CYTH3: variants seen among roughly 807,000 people sequenced by gnomAD.
CYTH3 encodes cytohesin-3.
CYTH3 carries 23 observed loss-of-function variants against 55.1 expected under a neutral mutation model. The ratio of observed to expected loss-of-function variants is 0.42; its 90% CI spans 0.30 to 0.59. The LOEUF (loss-of-function observed/expected upper bound fraction) is 0.59. Among genes scored for constraint, CYTH3 ranks in the 20% least tolerant of loss-of-function variants. The pLI is 0.20. For missense variants in CYTH3, 413 were observed against 524.8 expected, an observed-to-expected ratio of 0.79 and a Z score of 2.08; for synonymous variants, 249 against 194.9, an observed-to-expected ratio of 1.28 and a Z score of -2.31.
intron 4 of CYTH3, among the ~76,000 whole-genome samples, chr7:6,186,132 T>C (rs10230773): frequency 0.039 from 5,884 of 150,950 alleles, 393 homozygotes; most frequent in African/African-American, 0.14. Context: ...TAGTCTCAGC[T>C]ACCCGGGAGG....
chr7:6,187,311 G>A (rs927405582), intron 3 of CYTH3, among the ~76,000 whole-genome samples, 195 bp from the exon 4 acceptor site: 5 of 152,224 alleles, frequency 3.3e-5, no homozygotes, highest in African/African-American at 9.6e-5. Flanking sequence ...TTGATAACTT[G>A]AGACACTTCA....
chr7:6,165,442 G>T lies in CYTH3; in HGVS notation c.973-15C>A. 1.9e-6 allele frequency: 3 copies of T among 1,610,686 alleles called. No individual in the cohort carries two copies. Among genetic ancestry groups the T allele is most frequent in the Non-Finnish European group, 2.5e-6 (3 of 1,177,774 alleles). The stretch of plus-strand genomic sequence containing the variant: ...TCAAAACAGTTCTGGTGGAGAAAGA[G>T]AGAGGGGAGGCGGTCAGGGGGGCTT... On this transcript the variant is annotated splice_polypyrimidine_tract_variant and intron_variant, in intron 11 of 12. Coordinates refer to ENST00000350796, the MANE Select transcript of CYTH3 (RefSeq NM_004227.4).
chr7:6,227,430 G>C (rs966561710), intron 1 of CYTH3, among the ~76,000 whole-genome samples: 10 of 152,108 alleles, frequency 6.6e-5, no homozygotes, highest in Non-Finnish European at 1.3e-4. Flanking sequence ...AATAGCATTT[G>C]ATAAAATTCA....
At chr7:6,177,696 G>T (rs1454449253) in intron 5 of CYTH3, 127 bp downstream of exon 5, 2 of 711,790 alleles carry the variant, frequency 2.8e-6, no homozygotes, top group Admixed American at 2.3e-5. Context: ...CGGGCATGTG[G>T]ATGCCCACAG....
At chr7:6,203,864 G>A (rs954827515) in intron 1 of CYTH3, among the ~76,000 whole-genome samples, 7 of 151,852 alleles carry the variant, frequency 4.6e-5, no homozygotes, top group Admixed American at 6.6e-5. Context: ...GACTACAGGC[G>A]CCTGCCACCA....
chr7:6,187,005 T>C (rs1185520261), intron 4 of CYTH3, 45 bp downstream of exon 4: 29 of 1,581,418 alleles, frequency 1.8e-5, no homozygotes, highest in Non-Finnish European at 2.5e-5. Context: ...TTCAAATCAA[T>C]TAGTCCATCT....
intron 1 of CYTH3, among the ~76,000 whole-genome samples, chr7:6,200,898 G>C (rs1022397463): frequency 6.6e-6 from 1 of 152,306 alleles, no homozygotes; most frequent in Non-Finnish European, 1.5e-5. Context: ...TGGGACCACA[G>C]GCACGTACCA....
At chr7:6,238,359 TA>T (rs1407101799) in intron 1 of CYTH3, among the ~76,000 whole-genome samples, 1 of 152,066 alleles carries the variant, frequency 6.6e-6, no homozygotes, top group Non-Finnish European at 1.5e-5. Context: ...ACTCCTCCTC[TA>T]AAAAGAACAA....
chr7:6,242,950 C>G (rs1779712708), intron 1 of CYTH3, among the ~76,000 whole-genome samples: 1 of 152,104 alleles, frequency 6.6e-6, no homozygotes, highest in African/African-American at 2.4e-5. Context: ...TGAGGGAGAC[C>G]TGGGTTCCAC....
intron 1 of CYTH3, among the ~76,000 whole-genome samples, chr7:6,262,833 T>C (rs756596984): frequency 1.3e-5 from 2 of 152,274 alleles, no homozygotes; most frequent in Non-Finnish European, 2.9e-5. Context: ...GCAGGAGGAC[T>C]GCTTGAGCCC....
intron 1 of CYTH3, among the ~76,000 whole-genome samples, chr7:6,199,143 G>A (rs1475923482): frequency 6.6e-6 from 1 of 152,068 alleles, no homozygotes; most frequent in African/African-American, 2.4e-5. Context: ...AGAATCAGGA[G>A]CAAATTCACA....
In CYTH3 at chr7:6,230,322, A is replaced by G. The variant is rs565657267; in HGVS notation, c.35-39791T>C. Among the ~76,000 whole-genome samples, 5 of 152,194 alleles carry G rather than the reference A, an allele frequency of 3.3e-5. No individual in the cohort carries two copies. The South Asian group carries it at 6.2e-4, about 19-fold the overall frequency. ...CCTCAGCTGGAAACTTACAAGGAGTATATCTCCATAAAGCAGAGTCTCAGG... is the reference window on the plus strand; with the variant it reads ...CCTCAGCTGGAAACTTACAAGGAGTGTATCTCCATAAAGCAGAGTCTCAGG... On this transcript the variant is annotated intron_variant, in intron 1 of 12. Coordinates refer to ENST00000350796, the MANE Select transcript of CYTH3 (RefSeq NM_004227.4).
intron 1 of CYTH3, among the ~76,000 whole-genome samples, chr7:6,200,842 G>A (rs906861055): frequency 6.6e-6 from 1 of 152,184 alleles, no homozygotes; most frequent in African/African-American, 2.4e-5. Flanking sequence ...TGCAGCCTCA[G>A]CGTCCCAAAC....
chr7:6,179,673 ACAC>A (rs1171817830), intron 4 of CYTH3, among the ~76,000 whole-genome samples: 1 of 73,756 alleles, frequency 1.4e-5, no homozygotes, highest in African/African-American at 6.8e-5. Flanking sequence ...CCCCACACAC[ACAC>A]CACACACACC....
At position 6,165,262 on chromosome 7, in the gene CYTH3, G is replaced by C; in HGVS notation, c.1127+11C>G. Reference sequence around the variant, plus strand: ...AGACGGGCCTGGCCCCGCCCCCGAGGCCCCACTCACTTGATGGATTTCATC... The same window carrying C: ...AGACGGGCCTGGCCCCGCCCCCGAGCCCCCACTCACTTGATGGATTTCATC... On this transcript the variant is annotated intron_variant, in intron 12 of 12. Coordinates refer to ENST00000350796, the MANE Select transcript of CYTH3 (RefSeq NM_004227.4). 6.2e-7 allele frequency: 1 copy of C among 1,605,902 alleles called. No homozygotes were observed.
intron 1 of CYTH3, among the ~76,000 whole-genome samples, chr7:6,256,264 AAAGGG>A (rs529909681): frequency 9.8e-4 from 150 of 152,296 alleles, no homozygotes; most frequent in Middle Eastern, 6.8e-3. Flanking sequence ...TATTCTCTCC[AAAGGG>A]AGTCACTGGC....
chr7:6,185,780 G>A (rs529811170), intron 4 of CYTH3, among the ~76,000 whole-genome samples: 4 of 152,006 alleles, frequency 2.6e-5, no homozygotes, highest in South Asian at 4.2e-4. Flanking sequence ...AGGAAATAAC[G>A]ACATGCACTT....
At chr7:6,235,288 C>G (rs1312886635) in intron 1 of CYTH3, among the ~76,000 whole-genome samples, 1 of 152,008 alleles carries the variant, frequency 6.6e-6, no homozygotes, top group African/African-American at 2.4e-5. Context: ...ACAGCCTGGC[C>G]AAAGTGGTGA....
At chr7:6,205,586 A>G (rs1006828080) in intron 1 of CYTH3, among the ~76,000 whole-genome samples, 2 of 152,202 alleles carry the variant, frequency 1.3e-5, no homozygotes, top group Non-Finnish European at 2.9e-5. Context: ...ACAAACAAAT[A>G]AAAAACAAGA....
Sources: allele counts gnomAD v4.1 joint callset (sites outside exome capture counted in the v4.1 genomes callset), GRCh38; gene constraint gnomAD v4.1.1; transcripts MANE v1.5; gene names NCBI Gene and HGNC (gene_info 2026-07-23, HGNC 2026-07-21).